RBM26: variants seen among roughly 807,000 people sequenced by gnomAD.
RBM26 encodes RNA-binding protein 26.
Under a neutral mutation model 123.6 loss-of-function variants are expected in RBM26, and 30 were observed. The ratio of observed to expected loss-of-function variants is 0.24; its 90% CI spans 0.18 to 0.33. RBM26 has a LOEUF of 0.33. RBM26 is among the 10% of genes least tolerant of loss of function. RBM26 has a pLI of 1.00. For synonymous variants in RBM26, 400 were observed against 404.4 expected, an observed-to-expected ratio of 0.99 and a Z score of 0.13; for missense variants, 947 against 1,203.6, an observed-to-expected ratio of 0.79 and a Z score of 3.15.
At chr13:79,391,896 C>A (rs533840533) in intron 1 of RBM26, among the ~76,000 whole-genome samples, 1 of 148,696 alleles carries the variant, frequency 6.7e-6, no homozygotes, top group South Asian at 2.1e-4. Flanking sequence ...AGTGTATGAA[C>A]AATCAACAGG....
Position 79,344,751 on chromosome 13 carries a change from G to C in RBM26, c.2102C>G (p.Pro701Arg). 6.2e-7 allele frequency: 1 copy of C among 1,612,678 alleles called. No individual in the cohort carries two copies. Among genetic ancestry groups the C allele is most frequent in the Non-Finnish European group, 8.5e-7 (1 of 1,179,194 alleles). The change falls in exon 15 of 22, where the codon CCA becomes CGA. Residue 701 changes from proline (P) to arginine (R), a missense_variant. Pro to Arg is a moderately radical substitution (Grantham distance 103). Coordinates refer to ENST00000438737, the MANE Select transcript of RBM26 (RefSeq NM_001366735.2). ...TTTCTGTGCAGCCTTCAAAGCAGCT[G>C]GATTATACACTGTTTTTGTTAGGCC... Reference protein sequence around the residue: ...STGLTKTVYNPAALKAAQKTL... With the variant: ...STGLTKTVYNRAALKAAQKTL...
downstream of RBM26, among the ~76,000 whole-genome samples, chr13:79,317,874 T>C (rs1434284187): frequency 6.6e-6 from 1 of 151,672 alleles, no homozygotes; most frequent in Non-Finnish European, 1.5e-5. Flanking sequence ...CACTCTATGA[T>C]TGGATATTTA....
rs374936602 is a variant in RBM26, at chr13:79,371,864, T to C, written c.394A>G (p.Ser132Gly). Reference protein sequence around the residue: ...RRLNHSPPQSSSRYRENRSRD... With the variant: ...RRLNHSPPQSGSRYRENRSRD... The stretch of plus-strand genomic sequence containing the variant: ...CACCTATTTTCCCTGTATCGGGAGC[T>C]TGACTGGGGAGGACTGTGATTTAGC... The change falls in exon 4 of 22, where the codon AGC becomes GGC. Residue 132 changes from serine to glycine, a missense_variant. By Grantham distance (56) the Ser-to-Gly change is moderately conservative. Around this residue, in one of 5 missense-constraint regions of RBM26, gnomAD observed 275 missense variants for 361.0 expected, o/e 0.76. Transcript: ENST00000438737. 1.9e-6 allele frequency: 3 copies of C among 1,611,824 alleles called. No homozygotes were observed. The highest frequency in any genetic ancestry group is 2.5e-6 in the Non-Finnish European group (3 of 1,178,068).
chr13:79,315,171 C>A (rs1410332), downstream of RBM26, among the ~76,000 whole-genome samples: 76,601 of 151,566 alleles, frequency 0.51, 19,767 homozygotes, highest in Middle Eastern at 0.6. Flanking sequence ...AATGATTTTA[C>A]CAAAACCTCT....
At chr13:79,323,478 T>A (rs1044279395) in intron 20 of RBM26, among the ~76,000 whole-genome samples, 15 of 151,700 alleles carry the variant, frequency 9.9e-5, no homozygotes, top group African/African-American at 2.7e-4. Context: ...AGAATTTTTT[T>A]AAAAAGTACT....
chr13:79,318,074 C>G (rs2138276291), downstream of RBM26, among the ~76,000 whole-genome samples: 1 of 151,466 alleles, frequency 6.6e-6, no homozygotes, highest in African/African-American at 2.4e-5. Context: ...AGTACTGTAA[C>G]AGAGATATGA....
chr13:79,397,320 G>GAA (rs1159348180), intron 1 of RBM26, among the ~76,000 whole-genome samples: 1 of 152,078 alleles, frequency 6.6e-6, no homozygotes, highest in African/African-American at 2.4e-5. Flanking sequence ...CAGTAATACT[G>GAA]AAACATTTAA....
chr13:79,323,061 C>A (rs982964420), intron 20 of RBM26, among the ~76,000 whole-genome samples: 52 of 151,318 alleles, frequency 3.4e-4, no homozygotes, highest in African/African-American at 1.2e-3. Context: ...GGAAAAAAAA[C>A]CCCTCTGAAC....
At chr13:79,391,911 AAT>A (rs1440233140) in intron 1 of RBM26, among the ~76,000 whole-genome samples, 4 of 149,194 alleles carry the variant, frequency 2.7e-5, no homozygotes, top group Non-Finnish European at 5.9e-5. Flanking sequence ...AACAGGAAAA[AAT>A]ATATAATACG....
intron 14 of RBM26, among the ~76,000 whole-genome samples, chr13:79,346,770 A>G (rs546892507): frequency 2.9e-4 from 44 of 152,322 alleles, no homozygotes; most frequent in African/African-American, 1.0e-3. Flanking sequence ...CCACAGCACA[A>G]AATGCCAAAC....
intron 2 of RBM26, 52 bp from the exon 3 acceptor site, chr13:79,377,567 TC>T (rs779209181): frequency 3.9e-5 from 52 of 1,349,048 alleles, no homozygotes; most frequent in Non-Finnish European, 5.2e-5. Flanking sequence ...TAAGATTAAT[TC>T]CCCGCTTCCA....
At chr13:79,315,721 G>T (rs1566264682), downstream of RBM26, among the ~76,000 whole-genome samples, 1 of 151,802 alleles carries the variant, frequency 6.6e-6, no homozygotes, top group Non-Finnish European at 1.5e-5. Flanking sequence ...TAAACTGCAA[G>T]AAAGTTATAC....
intron 2 of RBM26, 40 bp from the exon 3 acceptor site, chr13:79,377,555 G>T: frequency 6.8e-7 from 1 of 1,479,000 alleles, no homozygotes; most frequent in Non-Finnish European, 9.4e-7. Flanking sequence ...AAACACATTT[G>T]TTAAGATTAA....
At chr13:79,349,201 GTGAGCTGCTTTCT>G (rs2139347664) in intron 14 of RBM26, among the ~76,000 whole-genome samples, 1 of 152,056 alleles carries the variant, frequency 6.6e-6, no homozygotes, top group Non-Finnish European at 1.5e-5. Context: ...TTTTTTTGTG[GTGAGCTGCTTTCT>G]TGGCAATTTT....
intron 20 of RBM26, among the ~76,000 whole-genome samples, chr13:79,325,248 ATTTTT>A (rs567979411): frequency 2.0e-5 from 3 of 151,950 alleles, no homozygotes; most frequent in African/African-American, 7.3e-5. Flanking sequence ...GTGTACTCTA[ATTTTT>A]TTTAAGTTAA....
Position 79,320,302 on chromosome 13 carries a change from GT to G in RBM26, c.*318del, listed in dbSNP as rs2067530659. The stretch of plus-strand genomic sequence containing the variant: ...GTCCTCTAAGTTATAACAAGTATTG[GT>G]CATAAGTTTTCAGACCTATTCATTA... On this transcript the variant is annotated 3_prime_UTR_variant, in exon 22 of 22. Transcript: ENST00000438737. 1.0e-6 allele frequency: 1 copy of G among 998,468 alleles called. No homozygotes were observed. Among genetic ancestry groups the G allele is most frequent in the Non-Finnish European group, 1.2e-6 (1 of 835,650 alleles). The allele number at this position is 998,468 out of a possible 1,614,324, so 61.9% of individuals were successfully genotyped here. A position where few individuals can be genotyped will look rare whatever the true frequency, so the allele number is the denominator to read the frequency against.
intron 14 of RBM26, among the ~76,000 whole-genome samples, chr13:79,349,551 G>C (rs1266280937): frequency 6.6e-6 from 1 of 151,512 alleles, no homozygotes; most frequent in Non-Finnish European, 1.5e-5. Flanking sequence ...TTACTACAAA[G>C]TTCAGCAAAG....
chr13:79,357,315 T>C (rs2025913), intron 11 of RBM26, among the ~76,000 whole-genome samples: 76,656 of 151,788 alleles, frequency 0.51, 19,766 homozygotes, highest in Middle Eastern at 0.6. Flanking sequence ...TTAGGATGAA[T>C]TGTATCCTCT....
chr13:79,344,453 C>G, intron 15 of RBM26, 131 bp from the exon 16 acceptor site: 4 of 863,070 alleles, frequency 4.6e-6, no homozygotes, highest in Non-Finnish European at 7.3e-6. Flanking sequence ...CTATGTAAAA[C>G]TTAAAATATG....
Sources: allele counts gnomAD v4.1 joint callset (sites outside exome capture counted in the v4.1 genomes callset), GRCh38; gene constraint gnomAD v4.1.1; regional missense constraint gnomAD v4.1.1; transcripts MANE v1.5; gene names NCBI Gene and HGNC (gene_info 2026-07-23, HGNC 2026-07-21).